ICAM2: variants seen among roughly 807,000 people sequenced by gnomAD.
ICAM2 encodes intercellular adhesion molecule 2.
Under a neutral mutation model 19.1 loss-of-function variants are expected in ICAM2, and 14 were observed. That is an observed-to-expected ratio of 0.73 (90% CI 0.48 to 1.15). The LOEUF (loss-of-function observed/expected upper bound fraction) is 1.15. ICAM2 is among the 50% of genes most tolerant of loss of function. ICAM2 has a pLI of 0.00. For missense variants in ICAM2, 311 were observed against 355.4 expected, an observed-to-expected ratio of 0.88 and a Z score of 1.00; for synonymous variants, 153 against 152.7, an observed-to-expected ratio of 1.00 and a Z score of -0.01.
intron 1 of ICAM2, among the ~76,000 whole-genome samples, chr17:64,007,552 G>A (rs1319992707): frequency 6.6e-6 from 1 of 152,230 alleles, no homozygotes; most frequent in African/African-American, 2.4e-5. Context: ...CTGAGCCACC[G>A]CACCTGGCCC....
intron 3 of ICAM2, chr17:64,004,371 C>G (rs185198894): frequency 5.2e-6 from 1 of 190,656 alleles, no homozygotes; most frequent in Admixed American, 5.4e-5. Flanking sequence ...TGAAGTTCAT[C>G]ACTTAGGAGG....
chr17:64,009,748 T>C (rs967157616), intron 1 of ICAM2, among the ~76,000 whole-genome samples: 1 of 152,204 alleles, frequency 6.6e-6, no homozygotes, highest in Non-Finnish European at 1.5e-5. Context: ...GCCCCAGAAT[T>C]ATGCAGACTC....
At chr17:64,014,367 GAAAGA>G (rs1911584721) in intron 1 of ICAM2, among the ~76,000 whole-genome samples, 2 of 56,004 alleles carry the variant, frequency 3.6e-5, no homozygotes, top group African/African-American at 1.2e-4. Flanking sequence ...AAGAAAGAAA[GAAAGA>G]AAGAAAGGAA....
At chr17:64,014,629 AAG>A (rs1911622170) in intron 1 of ICAM2, among the ~76,000 whole-genome samples, 1 of 134,812 alleles carries the variant, frequency 7.4e-6, no homozygotes, top group Non-Finnish European at 1.6e-5. Context: ...GAGAGAGAGA[AAG>A]AAAGAAAGAG....
At chr17:64,012,417 G>A (rs1911491894) in intron 1 of ICAM2, among the ~76,000 whole-genome samples, 1 of 152,116 alleles carries the variant, frequency 6.6e-6, no homozygotes, top group Admixed American at 6.6e-5. Flanking sequence ...GGACAACATG[G>A]TGGAACCCCA....
In ICAM2 at chr17:64,017,785, C is replaced by T. The variant is rs1273120847; in HGVS notation, c.-45+2738G>A. On this transcript the variant is annotated intron_variant, in intron 1 of 4. Coordinates refer to ENST00000579788, the MANE Select transcript of ICAM2 (RefSeq NM_001099789.2). ...CCTATGCTTGTTTGAAACTTTGATG[C>T]ATGACAAAGATGACATAGAAGATCA... Among the ~76,000 whole-genome samples the T allele has an allele frequency of 2.0e-5, 3 of 152,064 alleles. No individual in the cohort carries two copies. The East Asian group carries it at 5.8e-4, about 29-fold the overall frequency.
rs2143173263 is a variant in ICAM2, at chr17:64,003,638, C to T, written c.649+6G>A. ...CTCCCAACTCCATCCACGGATCCCC[C>T]CTCACCATAGATCTCCAACATCTTC... On this transcript the variant is annotated splice_donor_region_variant and intron_variant, in intron 4 of 4. Transcript: ENST00000579788. 6.2e-7 allele frequency: 1 copy of T among 1,609,558 alleles called. No homozygotes were observed. Among genetic ancestry groups the T allele is most frequent in the African/African-American group, 1.3e-5 (1 of 75,024 alleles).
chr17:64,016,465 G>T (rs1000095743), intron 1 of ICAM2, among the ~76,000 whole-genome samples: 1 of 152,124 alleles, frequency 6.6e-6, no homozygotes, highest in Non-Finnish European at 1.5e-5. Flanking sequence ...TCGTCTCAGG[G>T]TCTTCTTCAA....
At position 64,003,856 on chromosome 17, in the gene ICAM2, G is replaced by T; in HGVS notation, c.437C>A (p.Thr146Asn). The T allele has an allele frequency of 6.2e-7, 1 of 1,614,248 alleles. No homozygotes were observed. The highest frequency in any genetic ancestry group is 8.5e-7 in the Non-Finnish European group (1 of 1,180,042). The stretch of plus-strand genomic sequence containing the variant: ...CTCATTGCCACGGAACAGGAAGAGG[G>T]TGAGGCTGTCCAGGGGCTCCACGGT... ...VPTVEPLDSL[T>N]LFLFRGNETL... Residue 146 changes from threonine (T) to asparagine (N), a missense_variant, in exon 4 of 5, where the codon ACC (threonine) becomes AAC (asparagine). Thr to Asn is a moderately conservative substitution (Grantham distance 65). Coordinates refer to ENST00000579788, the MANE Select transcript of ICAM2 (RefSeq NM_001099789.2).
intron 1 of ICAM2, among the ~76,000 whole-genome samples, chr17:64,011,534 G>A (rs1911455215): frequency 6.6e-6 from 1 of 152,116 alleles, no homozygotes; most frequent in Non-Finnish European, 1.5e-5. Flanking sequence ...TTAAGGAAAT[G>A]CAAATTAAAC....
In ICAM2 at chr17:64,003,975, C is replaced by T; in HGVS notation, c.329-11G>A. 6.3e-7 allele frequency: 1 copy of T among 1,597,344 alleles called. No homozygotes were observed. The highest frequency in any genetic ancestry group is 8.5e-7 in the Non-Finnish European group (1 of 1,171,660). ...CCTGCCTTGGAGGCTCTGCAGGGGACAAAGGAGGGAGGTCTGGTCAGGATG... is the reference window on the plus strand; with the variant it reads ...CCTGCCTTGGAGGCTCTGCAGGGGATAAAGGAGGGAGGTCTGGTCAGGATG... On this transcript the variant is annotated splice_polypyrimidine_tract_variant and intron_variant, in intron 3 of 4. Coordinates refer to ENST00000579788, the MANE Select transcript of ICAM2 (RefSeq NM_001099789.2).
chr17:64,003,982 G>A lies in ICAM2; in HGVS notation c.329-18C>T, dbSNP rs1555609154. The stretch of plus-strand genomic sequence containing the variant: ...TGGAGGCTCTGCAGGGGACAAAGGA[G>A]GGAGGTCTGGTCAGGATGGGGGTGC... On this transcript the variant is annotated intron_variant, in intron 3 of 4. Transcript: ENST00000579788. 8.8e-6 allele frequency: 14 copies of A among 1,583,718 alleles called. No individual in the cohort carries two copies. The highest frequency in any genetic ancestry group is 1.1e-5 in the South Asian group (1 of 88,162).
At chr17:64,016,586 C>T (rs771965533) in intron 1 of ICAM2, among the ~76,000 whole-genome samples, 1 of 152,264 alleles carries the variant, frequency 6.6e-6, no homozygotes, top group African/African-American at 2.4e-5. Context: ...AGTGGATATA[C>T]TTTCCAGCCT....
chr17:64,018,593 T>A (rs939349272), intron 1 of ICAM2, among the ~76,000 whole-genome samples: 1 of 151,890 alleles, frequency 6.6e-6, no homozygotes, highest in Non-Finnish European at 1.5e-5. Context: ...TCAGAGATAA[T>A]TAGGCATTAT....
chr17:64,004,623 G>A (rs1449646888), intron 3 of ICAM2: 2 of 220,200 alleles, frequency 9.1e-6, no homozygotes, highest in Non-Finnish European at 1.8e-5. Context: ...GCGCCAAGAT[G>A]TCCTATCCCA....
chr17:64,003,073 T>G, intron 4 of ICAM2, 148 bp from the exon 5 acceptor site: 1 of 624,910 alleles, frequency 1.6e-6, no homozygotes, highest in Admixed American at 2.9e-5. Flanking sequence ...CAGAGATGAG[T>G]GGTGAATGGT....
chr17:64,006,460 G>C, intron 2 of ICAM2, 171 bp downstream of exon 2: 1 of 620,150 alleles, frequency 1.6e-6, no homozygotes, highest in Non-Finnish European at 2.9e-6. Context: ...TCATGCCACT[G>C]TACTCCAGCC....
chr17:64,012,911 C>T (rs1012061085), intron 1 of ICAM2, among the ~76,000 whole-genome samples: 2 of 152,010 alleles, frequency 1.3e-5, no homozygotes, highest in African/African-American at 2.4e-5. Context: ...ATTAAAAGAA[C>T]ATGTAAAATT....
At chr17:64,020,091 A>AAGTG (rs1911889175) in intron 1 of ICAM2, among the ~76,000 whole-genome samples, 1 of 152,020 alleles carries the variant, frequency 6.6e-6, no homozygotes, top group South Asian at 2.1e-4. Flanking sequence ...GGCAGGTAGG[A>AAGTG]AGTGAGTGAC....
Sources: allele counts gnomAD v4.1 joint callset (sites outside exome capture counted in the v4.1 genomes callset), GRCh38; gene constraint gnomAD v4.1.1; transcripts MANE v1.5; gene names NCBI Gene and HGNC (gene_info 2026-07-23, HGNC 2026-07-21).